The following C2CD2 variants were observed in gnomAD, a reference collection of about 807,000 sequenced individuals.
C2CD2 encodes C2 domain-containing protein 2.
Under a neutral mutation model 74.3 loss-of-function variants are expected in C2CD2, and 43 were observed. The observed-to-expected ratio is 0.58, with a 90% CI of 0.45 to 0.75. The LOEUF (loss-of-function observed/expected upper bound fraction) is 0.75. Among genes scored for constraint, C2CD2 ranks in the 30% least tolerant of loss-of-function variants. The pLI is 0.00. For synonymous variants in C2CD2, 422 were observed against 390.7 expected (o/e 1.08, Z -0.94); for missense variants, 801 against 916.3 (o/e 0.87, Z 1.63).
chr21:41,951,991 G>C (rs1797124136), intron 1 of C2CD2, among the ~76,000 whole-genome samples: 1 of 152,224 alleles, frequency 6.6e-6, no homozygotes, highest in Non-Finnish European at 1.5e-5. Context: ...CTCAGCCTCA[G>C]AAGCCTTGAT....
At chr21:41,894,834 T>C (rs1273592172) in intron 13 of C2CD2, 3 of 456,612 alleles carry the variant, frequency 6.6e-6, no homozygotes, top group Non-Finnish European at 1.3e-5. Flanking sequence ...GATTTGCCAG[T>C]GCACACTAAA....
rs186350500 is a variant in C2CD2 at position 41,927,895 on chromosome 21, C to T, written c.379-5810G>A. ...GGGGAAGCCTCCACCACGTGGGGCT[C>T]CTGCGTCAACCTGACTCCAACCCCG... is the stretch of plus-strand genomic sequence containing the variant. On this transcript the variant is annotated intron_variant, in intron 2 of 13. Transcript: ENST00000380486. 2.5e-4 allele frequency among the ~76,000 whole-genome samples: 38 copies of T among 152,280 alleles called. No homozygotes were observed. The East Asian group carries it at 7.0e-3, about 28-fold the overall frequency.
At chr21:41,894,555 A>G (rs2146134223) in intron 13 of C2CD2, 2 of 436,320 alleles carry the variant, frequency 4.6e-6, no homozygotes, top group Non-Finnish European at 9.2e-6. Context: ...GCCCCTGGGG[A>G]GGAGACTCCG....
At chr21:41,921,042 G>T (rs2065149303) in intron 3 of C2CD2, among the ~76,000 whole-genome samples, 1 of 152,216 alleles carries the variant, frequency 6.6e-6, no homozygotes, top group Non-Finnish European at 1.5e-5. Flanking sequence ...CTGGAGTGGG[G>T]CTGAGGAACT....
chr21:41,914,441 C>T (rs1156553112), intron 6 of C2CD2, among the ~76,000 whole-genome samples, 157 bp downstream of exon 6: 3 of 152,200 alleles, frequency 2.0e-5, no homozygotes, highest in Non-Finnish European at 2.9e-5. Flanking sequence ...CTCTTGTTCC[C>T]GTTACATTTT....
At chr21:41,901,415 T>C in intron 12 of C2CD2, 2 of 615,200 alleles carry the variant, frequency 3.3e-6, no homozygotes, top group Non-Finnish European at 5.8e-6. Flanking sequence ...TTAGAAAGTC[T>C]CCCATGTCCT....
At chr21:41,905,968 G>C (rs1334273483) in intron 10 of C2CD2, 131 bp from the exon 11 acceptor site, 2 of 689,112 alleles carry the variant, frequency 2.9e-6, no homozygotes, top group Non-Finnish European at 5.3e-6. Context: ...CTTAACGAAA[G>C]CTGTTTTGAG....
chr21:41,942,314 T>C, intron 1 of C2CD2, 69 bp from the exon 2 acceptor site: 1 of 1,215,242 alleles, frequency 8.2e-7, no homozygotes, highest in Non-Finnish European at 1.2e-6. Context: ...TACATATCTG[T>C]TTAAAGTTCT....
Position 41,905,795 on chromosome 21 carries a change from T to C in C2CD2, c.1361A>G (p.Lys454Arg). ...GGCGATGGCCTGGACAGAGATGTCC[T>C]TCTCGATCACCTTCACCTTGATGGG... is the stretch of plus-strand genomic sequence containing the variant. ...KTPIKVKVIE[K>R]DISVQAIACR... The change falls in exon 11 of 14, where the codon AAG (lysine) becomes AGG (arginine). Residue 454 changes from lysine (K) to arginine (R), a missense_variant. Transcript: ENST00000380486. 6.2e-7 allele frequency: 1 copy of C among 1,610,908 alleles called. No homozygotes were observed. The highest frequency in any genetic ancestry group is 8.5e-7 in the Non-Finnish European group (1 of 1,177,012).
At chr21:41,949,908 T>C (rs1421128164) in intron 1 of C2CD2, among the ~76,000 whole-genome samples, 1 of 152,174 alleles carries the variant, frequency 6.6e-6, no homozygotes, top group Non-Finnish European at 1.5e-5. Context: ...AAACACCGCA[T>C]GTTCTCACTC....
intron 7 of C2CD2, 40 bp downstream of exon 7, chr21:41,912,292 C>T (rs772254186): frequency 6.3e-6 from 8 of 1,278,088 alleles, no homozygotes; most frequent in Middle Eastern, 2.5e-4. Context: ...TGAACAGACA[C>T]GGCCGTGGAC....
chr21:41,914,495 A>C, intron 6 of C2CD2, 103 bp downstream of exon 6: 13 of 967,372 alleles, frequency 1.3e-5, no homozygotes, highest in Non-Finnish European at 1.6e-5. Flanking sequence ...CTGCACCCCC[A>C]CGGGAGGATG....
rs531942330 is a variant in C2CD2 at position 41,903,526 on chromosome 21, G to A, written c.1433-1777C>T. On this transcript the variant is annotated intron_variant, in intron 11 of 13. Coordinates refer to ENST00000380486, the MANE Select transcript of C2CD2 (RefSeq NM_015500.2). This position sits in a 1 kb window ranked among gnomAD's most constrained non-coding sequence, Gnocchi z 4.5. Reference sequence around the variant, plus strand: ...TTGCCATAGAAAATCTACACATTTGGCGTCAGGAGTGTTGTGAGTAGAGGA... The same window carrying A: ...TTGCCATAGAAAATCTACACATTTGACGTCAGGAGTGTTGTGAGTAGAGGA... 2.0e-4 allele frequency among the ~76,000 whole-genome samples: 31 copies of A among 152,360 alleles called. No individual in the cohort carries two copies. In the South Asian group the frequency reaches 6.2e-3, roughly 31 times the overall value.
At chr21:41,908,675 T>C (rs1193844664) in intron 8 of C2CD2, 1 of 152,202 alleles carries the variant, frequency 6.6e-6, no homozygotes, top group Non-Finnish European at 1.5e-5. Flanking sequence ...ATAACAACTT[T>C]CTCACTTTAG....
Position 41,922,071 on chromosome 21 carries a change from G to C in C2CD2, c.393C>G (p.His131Gln). 1 of 1,612,088 alleles carries C rather than the reference G, an allele frequency of 6.2e-7. No homozygotes were observed. Among genetic ancestry groups the C allele is most frequent in the Non-Finnish European group, 8.5e-7 (1 of 1,178,180 alleles). The change falls in exon 3 of 14, where the codon CAC becomes CAG. Residue 131 changes from histidine (H) to glutamine (Q), a missense_variant. Transcript: ENST00000380486. Reference protein sequence around the residue: ...RSAEEKVVVCHVVGQAIQFLV... With the variant: ...RSAEEKVVVCQVVGQAIQFLV... Reference sequence around the variant, plus strand: ...AGAACTGAATAGCCTGGCCCACCACGTGACAGACCACCACCTGGAGGAGGC... The same window carrying C: ...AGAACTGAATAGCCTGGCCCACCACCTGACAGACCACCACCTGGAGGAGGC...
rs775060036 is a variant in C2CD2 at position 41,907,000 on chromosome 21, A to T, written c.1310T>A (p.Leu437Gln). ...CGTTCCTGTTGTCTCACCAGAGCTC[A>T]GCGGGGACGCCCTCCCCACGTCGAC... ...PRVDVGRASP[L>Q]SSDSPVKTPI... is the part of the protein sequence containing the mutation. The change falls in exon 10 of 14, where the codon CTG becomes CAG. Residue 437 changes from leucine (L) to glutamine (Q), a missense_variant. Transcript: ENST00000380486. 11 of 1,613,070 alleles carry T rather than the reference A, an allele frequency of 6.8e-6. No individual in the cohort carries two copies. In the East Asian group the frequency reaches 2.5e-4, roughly 36 times the overall value.
rs982194733 is a variant in C2CD2, at chr21:41,899,874, G to A, written c.1561-512C>T. Among the ~76,000 whole-genome samples, 2 of 151,294 alleles carry A rather than the reference G, an allele frequency of 1.3e-5. No individual in the cohort carries two copies. The highest frequency in any genetic ancestry group is 2.4e-5 in the African/African-American group (1 of 41,102). On this transcript the variant is annotated intron_variant, in intron 12 of 13. Coordinates refer to ENST00000380486, the MANE Select transcript of C2CD2 (RefSeq NM_015500.2). The surrounding 1 kb of genome is among the most constrained non-coding windows in gnomAD (Gnocchi z 4.4). ...ATGAACCTCTGAGAGTCGGGATAGC[G>A]CTTCCTTGGAGGGGGGAAAGTTTGG... is the stretch of plus-strand genomic sequence containing the variant.
Position 41,929,123 on chromosome 21 carries a change from A to C in C2CD2, c.379-7038T>G, listed in dbSNP as rs546054095. Among the ~76,000 whole-genome samples the C allele has an allele frequency of 6.6e-6, 1 of 152,236 alleles. No homozygotes were observed. The highest frequency in any genetic ancestry group is 1.5e-5 in the Non-Finnish European group (1 of 68,018). ...AAAGTAAAAAAAAAAAAAAGTAATA[A>C]AAATGCAAAAAGATCACACTAATGG... On this transcript the variant is annotated intron_variant, in intron 2 of 13. Coordinates refer to ENST00000380486, the MANE Select transcript of C2CD2 (RefSeq NM_015500.2). The surrounding 1 kb of genome is among the most constrained non-coding windows in gnomAD (Gnocchi z 4.6).
intron 13 of C2CD2, among the ~76,000 whole-genome samples, chr21:41,889,587 C>T (rs1406999219): frequency 6.6e-6 from 1 of 151,856 alleles, no homozygotes; most frequent in Non-Finnish European, 1.5e-5. Context: ...CCTGAACTAT[C>T]GCTTGATATC....
Sources: allele counts gnomAD v4.1 joint callset (sites outside exome capture counted in the v4.1 genomes callset), GRCh38; gene constraint gnomAD v4.1.1; non-coding constraint Gnocchi (gnomAD v3.1); transcripts MANE v1.5; gene names NCBI Gene and HGNC (gene_info 2026-07-23, HGNC 2026-07-21).